Variants in REPS2 observed in about 807,000 individuals in gnomAD.
REPS2 encodes the protein RALBP1 associated Eps domain containing 2.
Under a neutral mutation model 53.6 loss-of-function variants are expected in REPS2, and 23 were observed. The observed-to-expected ratio is 0.43, with a 90% confidence interval of 0.31 to 0.61. The LOEUF (loss-of-function observed/expected upper bound fraction) is 0.61. Among genes scored for constraint, REPS2 ranks in the 20% least tolerant of loss-of-function variants. The probability of loss-of-function intolerance (pLI) is 0.11; values close to 1 mark genes in which losing one functional copy is unlikely to be tolerated. For missense variants in REPS2, 446 were observed against 534.9 expected (o/e 0.83, Z 1.64); for synonymous variants, 238 against 218.6 (o/e 1.09, Z -0.78).
chrX:17,084,941 A>G (rs775406859), intron 13 of REPS2, among the ~76,000 whole-genome samples: 1 of 112,028 alleles, frequency 8.9e-6, no homozygotes, highest in African/African-American at 3.2e-5. Flanking sequence ...TGTCATATCT[A>G]AAAAACCATT....
intron 1 of REPS2, among the ~76,000 whole-genome samples, chrX:16,959,467 G>T (rs2060635192): frequency 8.9e-6 from 1 of 111,877 alleles, no homozygotes; most frequent in Admixed American, 9.5e-5. Flanking sequence ...CATGACACTG[G>T]GAAACATACA....
intron 5 of REPS2, among the ~76,000 whole-genome samples, chrX:17,034,240 G>T (rs1010316133): frequency 9.0e-6 from 1 of 111,500 alleles, no homozygotes; most frequent in African/African-American, 3.3e-5. Context: ...GCATGTACAT[G>T]CAAATATAGG....
At chrX:17,170,453 C>T in the REPS2 span, among the ~76,000 whole-genome samples, 9 of 112,507 alleles carry the variant, frequency 8.0e-5, no homozygotes, top group Non-Finnish European at 1.5e-4. Context: ...AAAACTTGCT[C>T]TAGCATTTCA....
At chrX:16,990,615 A>G (rs1360417731) in intron 1 of REPS2, among the ~76,000 whole-genome samples, 1 of 107,924 alleles carries the variant, frequency 9.3e-6, no homozygotes, top group Non-Finnish European at 1.9e-5. Flanking sequence ...GTCTTAGGAA[A>G]AAAAAAAAAA....
At chrX:17,027,017 C>A (rs1362147165) in intron 4 of REPS2, among the ~76,000 whole-genome samples, 1 of 111,471 alleles carries the variant, frequency 9.0e-6, no homozygotes, top group Admixed American at 9.5e-5. Context: ...TGGTCTCGAA[C>A]CCCTGGACTC....
Position 17,149,390 on chromosome X carries a change from C to T in REPS2, c.*1909C>T, listed in dbSNP as rs1469584303. ...GCGCAATCTCGGCTCACTGCAACCT[C>T]CACCTCCTGGGTTCAAGCAATTCTT... is the stretch of plus-strand genomic sequence containing the variant. On this transcript the variant is annotated 3_prime_UTR_variant, in exon 18 of 18. Coordinates refer to ENST00000357277, the MANE Select transcript of REPS2 (RefSeq NM_004726.3). The T allele has an allele frequency of 8.2e-6, 1 of 121,558 alleles. No individual in the cohort carries two copies. Among genetic ancestry groups the T allele is most frequent in the African/African-American group, 3.2e-5 (1 of 31,183 alleles). The allele number at this position is 121,558 out of a possible 1,213,427, so 10.0% of individuals were successfully genotyped here. A position where few individuals can be genotyped will look rare whatever the true frequency, so the allele number is the denominator to read the frequency against.
intron 5 of REPS2, among the ~76,000 whole-genome samples, chrX:17,041,840 G>A (rs2061833877): frequency 1.8e-5 from 2 of 112,120 alleles, no homozygotes; most frequent in African/African-American, 6.5e-5. Flanking sequence ...CTCCAACAAT[G>A]CTTCCTTGCA....
chrX:17,043,060 G>C (rs1380900220), intron 5 of REPS2, among the ~76,000 whole-genome samples: 1 of 111,733 alleles, frequency 8.9e-6, no homozygotes, highest in Non-Finnish European at 1.9e-5. Context: ...GCCTCCCAAA[G>C]TGCTGAGATT....
chrX:17,173,294 A>G, the REPS2 span, among the ~76,000 whole-genome samples: 7 of 111,426 alleles, frequency 6.3e-5, no homozygotes, highest in Admixed American at 6.7e-4. Flanking sequence ...ATCTAAGCTC[A>G]TTTGGGTTGT....
At chrX:17,177,221 T>G in the REPS2 span, among the ~76,000 whole-genome samples, 3 of 112,305 alleles carry the variant, frequency 2.7e-5, no homozygotes, top group Admixed American at 1.9e-4. Context: ...AAGGGCCCAG[T>G]TGATGTCAAA....
chrX:17,004,719 C>G (rs941306621), intron 1 of REPS2, among the ~76,000 whole-genome samples: 8 of 111,856 alleles, frequency 7.2e-5, no homozygotes, highest in Non-Finnish European at 1.3e-4. Flanking sequence ...GTTTTACTAG[C>G]AATTTCAGTT....
intron 2 of REPS2, among the ~76,000 whole-genome samples, chrX:17,011,347 A>G (rs140842643): frequency 9.0e-6 from 1 of 111,207 alleles, no homozygotes; most frequent in African/African-American, 3.3e-5. Flanking sequence ...AGAATTTCTG[A>G]TGAGGAAATC....
At chrX:17,044,564 T>A (rs775942112) in intron 5 of REPS2, 1 of 111,283 alleles carries the variant, frequency 9.0e-6, no homozygotes, top group Non-Finnish European at 1.9e-5. Context: ...GGACAGAGCT[T>A]CCGACCCACA....
At chrX:17,074,614 C>T (rs1337714763) in intron 12 of REPS2, 1 of 114,264 alleles carries the variant, frequency 8.8e-6, no homozygotes, top group Non-Finnish European at 1.8e-5. Flanking sequence ...TTCAGGTAAG[C>T]GATGTTTATG....
chrX:16,983,694 G>C (rs749296266), intron 1 of REPS2, among the ~76,000 whole-genome samples: 8 of 112,202 alleles, frequency 7.1e-5, no homozygotes, highest in Non-Finnish European at 1.3e-4. Flanking sequence ...AGTAGAGATG[G>C]GATTTCGCTA....
At chrX:17,191,327 A>G in the REPS2 span, among the ~76,000 whole-genome samples, 2 of 112,337 alleles carry the variant, frequency 1.8e-5, no homozygotes, top group Non-Finnish European at 3.8e-5. Context: ...ATAAACAGGT[A>G]TATTAAAAGA....
intron 1 of REPS2, among the ~76,000 whole-genome samples, chrX:16,964,336 CG>C (rs1812906389): frequency 9.2e-6 from 1 of 108,396 alleles, no homozygotes; most frequent in African/African-American, 3.4e-5. Flanking sequence ...CAGAGAGCAC[CG>C]GGTTGGGGGT....
intron 13 of REPS2, among the ~76,000 whole-genome samples, chrX:17,086,664 A>G (rs1252044715): frequency 1.8e-5 from 2 of 112,115 alleles, no homozygotes; most frequent in African/African-American, 3.2e-5. Flanking sequence ...TATTTTTTCT[A>G]CCTTTATTAA....
At chrX:17,044,907 G>A (rs908247217) in intron 5 of REPS2, among the ~76,000 whole-genome samples, 49 of 111,430 alleles carry the variant, frequency 4.4e-4, no homozygotes, top group African/African-American at 1.5e-3. Context: ...TTTAGTGCTC[G>A]GACTGGATTT....
Sources: allele counts gnomAD v4.1 joint callset (sites outside exome capture counted in the v4.1 genomes callset), GRCh38; gene constraint gnomAD v4.1.1; transcripts MANE v1.5; gene names NCBI Gene and HGNC (gene_info 2026-07-23, HGNC 2026-07-21).